Variants in MEGF11 observed in about 807,000 individuals in gnomAD.
MEGF11 encodes multiple epidermal growth factor-like domains protein 11.
Under a neutral mutation model 146.6 loss-of-function variants are expected in MEGF11, and 126 were observed. The ratio of observed to expected loss-of-function variants is 0.86; its 90% CI spans 0.74 to 1.00. The LOEUF is 1.00. MEGF11 is among the 50% of genes least tolerant of loss of function. The probability of loss-of-function intolerance (pLI) is 0.00; values close to 1 mark genes in which losing one functional copy is unlikely to be tolerated. For synonymous variants in MEGF11, 532 were observed against 583.4 expected (o/e 0.91, Z 1.27); for missense variants, 1,509 against 1,521.2 (o/e 0.99, Z 0.13).
At chr15:66,046,319 A>C (rs1365641236) in intron 5 of MEGF11, among the ~76,000 whole-genome samples, 7 of 152,176 alleles carry the variant, frequency 4.6e-5, no homozygotes, top group African/African-American at 1.7e-4. Context: ...GGACTATCCA[A>C]ACTTCCCAAA....
At chr15:66,111,680 A>G (rs2087418961) in intron 4 of MEGF11, among the ~76,000 whole-genome samples, 1 of 152,204 alleles carries the variant, frequency 6.6e-6, no homozygotes, top group Non-Finnish European at 1.5e-5. Flanking sequence ...CCACCAACCT[A>G]GAGATAAACA....
chr15:66,019,705 G>A (rs1397825803), intron 5 of MEGF11, among the ~76,000 whole-genome samples: 6 of 152,340 alleles, frequency 3.9e-5, no homozygotes, highest in African/African-American at 1.2e-4. Context: ...GGGTGACCTC[G>A]GGTATGCGAC....
chr15:66,224,987 G>A (rs1268712347), intron 1 of MEGF11, among the ~76,000 whole-genome samples: 1 of 152,118 alleles, frequency 6.6e-6, no homozygotes, highest in Non-Finnish European at 1.5e-5. Context: ...CTCCTCCTGG[G>A]AGGAAGGGTC....
chr15:65,955,120 T>C (rs575960103), intron 10 of MEGF11, among the ~76,000 whole-genome samples: 2 of 152,302 alleles, frequency 1.3e-5, no homozygotes, highest in African/African-American at 4.8e-5. Flanking sequence ...ACAGCTATGC[T>C]AGAAGCCAAG....
chr15:66,156,124 C>A (rs1281844795), intron 1 of MEGF11, among the ~76,000 whole-genome samples: 11 of 152,146 alleles, frequency 7.2e-5, no homozygotes, highest in Admixed American at 2.6e-4. Context: ...GGCCTGGAGT[C>A]CCAAAGTCTC....
chr15:66,031,936 C>G (rs1321842490), intron 5 of MEGF11, among the ~76,000 whole-genome samples: 2 of 152,214 alleles, frequency 1.3e-5, no homozygotes, highest in South Asian at 2.1e-4. Flanking sequence ...AGGTGAGCAG[C>G]AGGTGAGCGA....
intron 10 of MEGF11, among the ~76,000 whole-genome samples, chr15:65,943,595 G>A (rs540796983): frequency 5.9e-4 from 90 of 152,264 alleles, no homozygotes; most frequent in African/African-American, 2.1e-3. Flanking sequence ...ATAGGATTTG[G>A]GCCTGCTGTC....
intron 1 of MEGF11, among the ~76,000 whole-genome samples, chr15:66,159,844 C>T (rs1217299095): frequency 2.0e-5 from 3 of 151,930 alleles, no homozygotes; most frequent in Non-Finnish European, 2.9e-5. Context: ...TGAGGGAGAC[C>T]AGTGAGGCCC....
chr15:65,951,315 A>G (rs1040785316), intron 10 of MEGF11, among the ~76,000 whole-genome samples: 3 of 152,240 alleles, frequency 2.0e-5, no homozygotes, highest in African/African-American at 4.8e-5. Flanking sequence ...AGAGGCCCCA[A>G]AGAACATATA....
At chr15:66,184,506 C>T (rs949954419) in intron 1 of MEGF11, among the ~76,000 whole-genome samples, 6 of 152,078 alleles carry the variant, frequency 3.9e-5, no homozygotes, top group African/African-American at 9.7e-5. Flanking sequence ...AATTACAGAT[C>T]TGACCACATC....
At chr15:66,009,241 GTT>G (rs10540363) in intron 5 of MEGF11, among the ~76,000 whole-genome samples, 91,964 of 143,182 alleles carry the variant, frequency 0.64, 29,616 homozygotes, top group Non-Finnish European at 0.71. Context: ...GTTAACCTAA[GTT>G]TTTTTTTTTT....
intron 1 of MEGF11, among the ~76,000 whole-genome samples, chr15:66,214,448 G>C (rs1050578815): frequency 1.3e-5 from 2 of 152,164 alleles, no homozygotes; most frequent in Non-Finnish European, 2.9e-5. Context: ...TGACTCTCAC[G>C]ATGTGATCTG....
intron 2 of MEGF11, among the ~76,000 whole-genome samples, chr15:66,124,285 CG>C (rs1312831482): frequency 1.3e-5 from 2 of 152,134 alleles, no homozygotes; most frequent in Non-Finnish European, 2.9e-5. Context: ...AATAAAGAAG[CG>C]GGGGGTAGTT....
chr15:66,019,712 C>A (rs1175262759), intron 5 of MEGF11, among the ~76,000 whole-genome samples: 4 of 152,228 alleles, frequency 2.6e-5, no homozygotes, highest in Admixed American at 2.6e-4. Flanking sequence ...CTCGGGTATG[C>A]GACCTCACTC....
At chr15:66,081,291 G>C (rs947630150) in intron 5 of MEGF11, among the ~76,000 whole-genome samples, 4 of 152,210 alleles carry the variant, frequency 2.6e-5, no homozygotes, top group African/African-American at 9.7e-5. Context: ...CAGGGCCTCG[G>C]ATTAGGTGAG....
At chr15:66,059,804 C>T (rs2084828710) in intron 5 of MEGF11, among the ~76,000 whole-genome samples, 1 of 152,192 alleles carries the variant, frequency 6.6e-6, no homozygotes, top group Admixed American at 6.5e-5. Flanking sequence ...CTAGAAGAAG[C>T]CCGGCTCCCA....
intron 5 of MEGF11, among the ~76,000 whole-genome samples, chr15:66,000,253 A>T (rs1355590510): frequency 6.6e-6 from 1 of 152,212 alleles, no homozygotes; most frequent in Non-Finnish European, 1.5e-5. Flanking sequence ...AATCAAGAGC[A>T]TCTGCAGCTG....
chr15:66,024,566 A>G (rs1007898371), intron 5 of MEGF11, among the ~76,000 whole-genome samples: 4 of 152,228 alleles, frequency 2.6e-5, no homozygotes, highest in African/African-American at 7.2e-5. Context: ...GGCCCTTTAC[A>G]TGCATTATGT....
At chr15:66,038,653 T>C (rs1025157875) in intron 5 of MEGF11, among the ~76,000 whole-genome samples, 5 of 152,142 alleles carry the variant, frequency 3.3e-5, no homozygotes, top group East Asian at 1.9e-4. Flanking sequence ...TAAGTCCCCA[T>C]TGCTTCAGTT....
Sources: gnomAD v4.1 joint callset for allele counts (sites outside exome capture counted in the v4.1 genomes callset) on GRCh38, gnomAD v4.1.1 for gene constraint, MANE v1.5 for transcripts, NCBI Gene and HGNC (gene_info 2026-07-23, HGNC 2026-07-21) for gene names.